Variants in CCDC174 observed in about 807,000 individuals in gnomAD.
CCDC174 encodes coiled-coil domain-containing protein 174.
A neutral mutation model predicts 57.1 loss-of-function variants in CCDC174; 37 were observed. The ratio of observed to expected loss-of-function variants is 0.65; its 90% CI spans 0.50 to 0.85. CCDC174 has a LOEUF of 0.85. CCDC174 is among the 40% of genes least tolerant of loss of function. The pLI is 0.00. For missense variants in CCDC174, 540 were observed against 574.3 expected (o/e 0.94, Z 0.61); for synonymous variants, 182 against 190.2 (o/e 0.96, Z 0.35).
Position 14,669,978 on chromosome 3 carries a change from C to T in CCDC174, c.997C>T (p.Pro333Ser), listed in dbSNP as rs563300050. The T allele has an allele frequency of 1.2e-5, 19 of 1,613,812 alleles. No individual in the cohort carries two copies. In the African/African-American group the frequency reaches 2.1e-4, roughly 18 times the overall value. ...GPLPPEPEAV[P>S]TPRPAAQSSK... ...TTTGCCACCGGAGCCAGAGGCTGTG[C>T]CAACCCCACGTCCTGCTGCCCAGAG... is the stretch of plus-strand genomic sequence containing the variant. Residue 333 changes from proline (P) to serine (S), a missense_variant, in exon 10 of 11, where the codon CCA (proline) becomes TCA (serine). Pro to Ser is a moderately conservative substitution (Grantham distance 74). Transcript: ENST00000383794.
intron 5 of CCDC174, among the ~76,000 whole-genome samples, chr3:14,662,999 G>T (rs1458138780): frequency 6.6e-6 from 1 of 152,206 alleles, no homozygotes; most frequent in East Asian, 1.9e-4. Flanking sequence ...CAAAAGAGAA[G>T]AACATGCAGT....
At chr3:14,663,668 C>G (rs1230658537) in intron 5 of CCDC174, among the ~76,000 whole-genome samples, 1 of 152,082 alleles carries the variant, frequency 6.6e-6, no homozygotes, top group Non-Finnish European at 1.5e-5. Context: ...TTAATGAGAT[C>G]TGTATGTTTT....
intron 8 of CCDC174, 55 bp from the exon 9 acceptor site, chr3:14,667,994 A>T: frequency 6.5e-7 from 1 of 1,528,620 alleles, no homozygotes; most frequent in Non-Finnish European, 8.8e-7. Context: ...ATCTTTTTGG[A>T]CAGGAATATT....
In CCDC174 at chr3:14,661,668, A is replaced by T. The variant is rs1326066499; in HGVS notation, c.446A>T (p.Glu149Val). Reference sequence around the variant, plus strand: ...GACGACGATGAGGAAAACCTTCCTGAGGGAGAGATCCCTCCTCCCCAAGAC... The same window carrying T: ...GACGACGATGAGGAAAACCTTCCTGTGGGAGAGATCCCTCCTCCCCAAGAC... ...ERDDDEENLP[E>V]GEIPPPQDPS... The change falls in exon 5 of 11, where the codon GAG becomes GTG. Residue 149 changes from glutamate (E) to valine (V), a missense_variant. Coordinates refer to ENST00000383794, the MANE Select transcript of CCDC174 (RefSeq NM_016474.5). The T allele has an allele frequency of 6.8e-6, 11 of 1,614,024 alleles. No individual in the cohort carries two copies. In the Admixed American group the frequency reaches 1.3e-4, roughly 20 times the overall value.
At position 14,659,681 on chromosome 3, in the gene CCDC174, CAG is replaced by C. The variant is rs113824224; in HGVS notation, c.307+755_307+756del. Among the ~76,000 whole-genome samples the C allele has an allele frequency of 7.8e-3, 1,186 of 151,952 alleles. 10 individuals carry two copies. The highest frequency in any genetic ancestry group is 0.027 in the African/African-American group (1,118 of 41,430). On this transcript the variant is annotated intron_variant, in intron 4 of 10. Coordinates refer to ENST00000383794, the MANE Select transcript of CCDC174 (RefSeq NM_016474.5). Reference sequence around the variant, plus strand: ...GTAAGCTATGATCCAGCCTGGGTGACAGAGTGTGACCCTATCTCTAAAAAAAA... The same window carrying C: ...GTAAGCTATGATCCAGCCTGGGTGACAGTGTGACCCTATCTCTAAAAAAAA...
In CCDC174 at chr3:14,671,050, C is replaced by A. The variant is rs1253134524; in HGVS notation, c.1260C>A (p.Asp420Glu). The change falls in exon 11 of 11, where the codon GAC becomes GAA. Residue 420 changes from aspartate to glutamate, a missense_variant. Coordinates refer to ENST00000383794, the MANE Select transcript of CCDC174 (RefSeq NM_016474.5). ...AWSRPGPAQS[D>E]PGQCPDQSHG... ...GCAGACCTGGGCCAGCACAGAGTGA[C>A]CCAGGGCAGTGCCCTGACCAGAGCC... 4 of 1,614,174 alleles carry A rather than the reference C, an allele frequency of 2.5e-6. No individual in the cohort carries two copies. Among genetic ancestry groups the A allele is most frequent in the Non-Finnish European group, 1.7e-6 (2 of 1,180,014 alleles).
intron 3 of CCDC174, among the ~76,000 whole-genome samples, chr3:14,655,980 C>G (rs144051324): frequency 3.7e-4 from 56 of 152,228 alleles, no homozygotes; most frequent in African/African-American, 1.3e-3. Flanking sequence ...TGAAAAACTT[C>G]AAGGGTACAT....
rs1164826233 is a variant in CCDC174, at chr3:14,671,157, T to G, written c.1367T>G (p.Leu456Arg). The change falls in exon 11 of 11, where the codon CTG (leucine) becomes CGG (arginine). Residue 456 changes from leucine to arginine, a missense_variant. Transcript: ENST00000383794. ...PQAPTVTFKT[L>R]DDMISYYKQV... Reference sequence around the variant, plus strand: ...GCCCCCACAGTTACTTTCAAAACTCTGGATGACATGATTTCCTATTACAAA... The same window carrying G: ...GCCCCCACAGTTACTTTCAAAACTCGGGATGACATGATTTCCTATTACAAA... The G allele has an allele frequency of 3.1e-6, 5 of 1,612,620 alleles. No homozygotes were observed. In the Admixed American group the frequency reaches 8.3e-5, roughly 27 times the overall value.
chr3:14,670,374 C>G (rs2031472190), intron 10 of CCDC174, among the ~76,000 whole-genome samples: 1 of 152,216 alleles, frequency 6.6e-6, no homozygotes, highest in Admixed American at 6.5e-5. Flanking sequence ...GACATTTTTT[C>G]TGTAAATTCT....
At chr3:14,657,805 T>C (rs73139844) in intron 3 of CCDC174, among the ~76,000 whole-genome samples, 2,612 of 152,348 alleles carry the variant, frequency 0.017, 37 homozygotes, top group African/African-American at 0.042. Context: ...TGGCTGCTTC[T>C]TGCTGTGCAA....
chr3:14,655,691 A>G, intron 3 of CCDC174, 62 bp downstream of exon 3: 1 of 1,098,700 alleles, frequency 9.1e-7, no homozygotes, highest in Non-Finnish European at 1.3e-6. Context: ...GAGAAATGGA[A>G]GTTCAAATTT....
In CCDC174 at chr3:14,672,446, A is replaced by AT. The variant is rs1438720297; in HGVS notation, c.*1253dup. ...CAGATCTCAGACTTAAACACAATTGATGTCTAACCCCTAGACAGTCTTTTT... is the reference window on the plus strand; with the variant it reads ...CAGATCTCAGACTTAAACACAATTGATTGTCTAACCCCTAGACAGTCTTTTT... On this transcript the variant is annotated 3_prime_UTR_variant, in exon 11 of 11. Transcript: ENST00000383794. 1 of 152,188 alleles carries AT rather than the reference A, an allele frequency of 6.6e-6. No individual in the cohort carries two copies. Among genetic ancestry groups the AT allele is most frequent in the Non-Finnish European group, 1.5e-5 (1 of 68,042 alleles). The allele number at this position is 152,188 out of a possible 1,614,324, so 9.4% of individuals were successfully genotyped here.
At position 14,651,871 on chromosome 3, in the gene CCDC174, C is replaced by G. The variant is rs1203578746; in HGVS notation, c.35C>G (p.Ala12Gly). The G allele has an allele frequency of 6.2e-7, 1 of 1,613,952 alleles. No homozygotes were observed. The highest frequency in any genetic ancestry group is 8.5e-7 in the Non-Finnish European group (1 of 1,179,930). ...DRRKKPLDVT[A>G]SSLVDLKAEL... ...AGGAAAAAGCCTTTGGACGTCACGG[C>G]CTCCTCGGTGAGTGAGGGTATGAGG... The change falls in exon 1 of 11, where the codon GCC becomes GGC. Residue 12 changes from alanine to glycine, a missense_variant. Physicochemically the swap from Ala to Gly is moderately conservative, Grantham distance 60 (BLOSUM62 0). Coordinates refer to ENST00000383794, the MANE Select transcript of CCDC174 (RefSeq NM_016474.5).
chr3:14,654,334 C>A (rs1352640955), intron 1 of CCDC174, 92 bp from the exon 2 acceptor site: 4 of 711,478 alleles, frequency 5.6e-6, no homozygotes, highest in Non-Finnish European at 9.7e-6. Flanking sequence ...TTTAGCGGAA[C>A]TTGAAATATT....
chr3:14,670,101 C>T lies in CCDC174; in HGVS notation c.1105+15C>T. 6.3e-7 allele frequency: 1 copy of T among 1,594,142 alleles called. No individual in the cohort carries two copies. On this transcript the variant is annotated intron_variant, in intron 10 of 10. Transcript: ENST00000383794. ...CCGCGGAAAAGGTAAGGGAGGTGGGCTCTGAGGTGTAAGAACTCTCCAGTG... is the reference window on the plus strand; with the variant it reads ...CCGCGGAAAAGGTAAGGGAGGTGGGTTCTGAGGTGTAAGAACTCTCCAGTG...
Position 14,665,515 on chromosome 3 carries a change from A to G in CCDC174, c.581+392A>G, listed in dbSNP as rs191527125. 4.3e-3 allele frequency among the ~76,000 whole-genome samples: 651 copies of G among 152,298 alleles called. 3 individuals are homozygous for G. Among genetic ancestry groups the G allele is most frequent in the South Asian group, 0.011 (55 of 4,818 alleles). Reference sequence around the variant, plus strand: ...TCACTTTTTCTTTATGTATCATTGCATTTTTGAAGTAAGGGCCTTATAACT... The same window carrying G: ...TCACTTTTTCTTTATGTATCATTGCGTTTTTGAAGTAAGGGCCTTATAACT... On this transcript the variant is annotated intron_variant, in intron 6 of 10. Transcript: ENST00000383794.
rs775320473 is a variant in CCDC174, at chr3:14,655,617, T to C, written c.236T>C (p.Leu79Ser). ...AEQKIEEQKT[L>S]DKAREKLEEK... ...CAGAAGATTGAAGAACAGAAGACTT[T>C]AGACAAAGCAAGGTAAAGTTATAAG... Residue 79 changes from leucine (L) to serine (S), a missense_variant, in exon 3 of 11, where the codon TTA becomes TCA. Transcript: ENST00000383794. The C allele has an allele frequency of 6.2e-7, 1 of 1,606,820 alleles. No individual in the cohort carries two copies. The highest frequency in any genetic ancestry group is 1.1e-5 in the South Asian group (1 of 90,266).
chr3:14,660,755 TG>T (rs1416182080), intron 4 of CCDC174, among the ~76,000 whole-genome samples: 4 of 152,228 alleles, frequency 2.6e-5, no homozygotes, highest in Non-Finnish European at 5.9e-5. Flanking sequence ...GAGCTTAATG[TG>T]GGTTCAATGT....
In CCDC174 at chr3:14,671,340, G is replaced by A. The variant is rs936381170; in HGVS notation, c.*146G>A. On this transcript the variant is annotated 3_prime_UTR_variant, in exon 11 of 11. Coordinates refer to ENST00000383794, the MANE Select transcript of CCDC174 (RefSeq NM_016474.5). ...TTCGGGTTGGATTTGTCAGCAAGGA[G>A]GAAAGTTATGGAAACTTTGGCCACT... 7.7e-6 allele frequency: 6 copies of A among 780,734 alleles called. No individual in the cohort carries two copies. The highest frequency in any genetic ancestry group is 1.2e-5 in the Non-Finnish European group (6 of 502,298). 48.4% of individuals were successfully genotyped at this position (780,734 alleles called of 1,614,324 possible).
Sources: gnomAD v4.1 joint callset for allele counts (sites outside exome capture counted in the v4.1 genomes callset) on GRCh38, gnomAD v4.1.1 for gene constraint, MANE v1.5 for transcripts, NCBI Gene and HGNC (gene_info 2026-07-23, HGNC 2026-07-21) for gene names.